Variants in RHOT1 observed in about 807,000 individuals in gnomAD.
The protein encoded by RHOT1 is mitochondrial Rho GTPase 1.
Under a neutral mutation model 95.3 loss-of-function variants are expected in RHOT1, and 27 were observed. That is an observed-to-expected ratio of 0.28 (90% CI 0.21 to 0.39). RHOT1 has a LOEUF of 0.39. Ranked by LOEUF, RHOT1 falls within the 10% of genes least tolerant of loss-of-function variation. The pLI, the probability that RHOT1 is intolerant of heterozygous loss-of-function variation, is 1.00. For synonymous variants in RHOT1, 227 were observed against 263.5 expected, an observed-to-expected ratio of 0.86 and a Z score of 1.34; for missense variants, 578 against 786.7, an observed-to-expected ratio of 0.73 and a Z score of 3.17.
chr17:32,160,847 G>C (rs1205376716), intron 1 of RHOT1, among the ~76,000 whole-genome samples: 2 of 152,222 alleles, frequency 1.3e-5, no homozygotes, highest in African/African-American at 4.8e-5. Flanking sequence ...ATCCAGGCTG[G>C]TCGTGTGAGT....
At chr17:32,204,514 T>C (rs1054916147) in intron 16 of RHOT1, among the ~76,000 whole-genome samples, 1 of 136,160 alleles carries the variant, frequency 7.3e-6, no homozygotes, top group African/African-American at 2.9e-5. Flanking sequence ...AATGCCTGCC[T>C]GGGCAACAAG....
rs750383568 is a variant in RHOT1, at chr17:32,194,127, T to C, written c.869+20T>C. 9 of 1,603,656 alleles carry C rather than the reference T, an allele frequency of 5.6e-6. No individual in the cohort carries two copies. Among genetic ancestry groups the C allele is most frequent in the Non-Finnish European group, 7.7e-6 (9 of 1,174,570 alleles). ...CCCCCTGTATGTACCTTTGTTTTTT[T>C]TGTTGTTGTTGTTGTTTAATTTTTT... On this transcript the variant is annotated intron_variant, in intron 11 of 19. Coordinates refer to ENST00000545287, the MANE Select transcript of RHOT1 (RefSeq NM_001033566.3).
At chr17:32,175,263 A>G (rs2034900769) in intron 3 of RHOT1, 56 bp from the exon 4 acceptor site, 1 of 1,467,074 alleles carries the variant, frequency 6.8e-7, no homozygotes, top group Non-Finnish European at 9.6e-7. Flanking sequence ...TAGCTTGGCC[A>G]TTAGTTTTTA....
chr17:32,188,425 A>G (rs1463356365), intron 8 of RHOT1, among the ~76,000 whole-genome samples: 1 of 152,252 alleles, frequency 6.6e-6, no homozygotes, highest in African/African-American at 2.4e-5. Context: ...AAAATAATCA[A>G]ATATAATTTT....
intron 1 of RHOT1, among the ~76,000 whole-genome samples, chr17:32,143,857 A>G (rs1390902628): frequency 6.6e-6 from 1 of 152,212 alleles, no homozygotes; most frequent in African/African-American, 2.4e-5. Flanking sequence ...GGTCACCGTG[A>G]TGGAATCCCA....
chr17:32,151,394 A>G (rs536627924), intron 1 of RHOT1: 2 of 633,730 alleles, frequency 3.2e-6, no homozygotes, highest in African/African-American at 3.7e-5. Flanking sequence ...TTTGGATGAC[A>G]GAGTGAAACT....
intron 5 of RHOT1, 56 bp downstream of exon 5, chr17:32,176,071 G>T: frequency 6.3e-7 from 1 of 1,577,696 alleles, no homozygotes; most frequent in South Asian, 1.1e-5. Context: ...TTCCAAAGTT[G>T]ATTCTCAGTT....
chr17:32,147,037 C>T (rs937773744), intron 1 of RHOT1, among the ~76,000 whole-genome samples: 1 of 149,930 alleles, frequency 6.7e-6, no homozygotes, highest in African/African-American at 2.5e-5. Context: ...ACCACCATGC[C>T]TGGCCTGCTC....
intron 1 of RHOT1, among the ~76,000 whole-genome samples, chr17:32,169,734 G>GGT (rs1196379311): frequency 6.6e-6 from 1 of 152,142 alleles, no homozygotes; most frequent in East Asian, 1.9e-4. Flanking sequence ...GGCCAGGTGT[G>GGT]GTGGCTCACA....
At chr17:32,164,763 A>G (rs1203698679) in intron 1 of RHOT1, among the ~76,000 whole-genome samples, 1 of 151,920 alleles carries the variant, frequency 6.6e-6, no homozygotes, top group African/African-American at 2.4e-5. Flanking sequence ...GCTACCCAGG[A>G]GGCTGAGGTG....
At position 32,207,097 on chromosome 17, in the gene RHOT1, G is replaced by A; in HGVS notation, c.1536+68G>A. 3 of 1,460,936 alleles carry A rather than the reference G, an allele frequency of 2.1e-6. No homozygotes were observed. The South Asian group carries it at 4.0e-5, about 20-fold the overall frequency. 90.5% of individuals were successfully genotyped at this position (1,460,936 alleles called of 1,614,324 possible). ...GGACTTTTTATGGAATTGCAGTGTG[G>A]TGTTTCCTAACCACAAAAATGCAAC... On this transcript the variant is annotated intron_variant, in intron 17 of 19. Transcript: ENST00000545287.
chr17:32,182,854 A>G lies in RHOT1; in HGVS notation c.427A>G (p.Thr143Ala). The change falls in exon 7 of 20, where the codon ACC becomes GCC. Residue 143 changes from threonine (T) to alanine (A), a missense_variant. By Grantham distance (58) the Thr-to-Ala change is moderately conservative. This residue lies in a region of RHOT1 where 227 missense variants were observed against 316.0 expected (regional missense o/e 0.72). Coordinates refer to ENST00000545287, the MANE Select transcript of RHOT1 (RefSeq NM_001033566.3). ...TATGAACCAGTATACAGAAATAGAAACCTGTGTGGAGGTATGCCTTGTAAT... is the reference window on the plus strand; with the variant it reads ...TATGAACCAGTATACAGAAATAGAAGCCTGTGTGGAGGTATGCCTTGTAAT... ...PIMNQYTEIE[T>A]CVECSAKNLK... 6.5e-7 allele frequency: 1 copy of G among 1,547,622 alleles called. No homozygotes were observed. The highest frequency in any genetic ancestry group is 1.2e-5 in the South Asian group (1 of 86,494).
At chr17:32,217,208 C>T (rs1038417540) in intron 19 of RHOT1, among the ~76,000 whole-genome samples, 2 of 152,150 alleles carry the variant, frequency 1.3e-5, no homozygotes, top group Non-Finnish European at 2.9e-5. Context: ...GACATTAGTG[C>T]ACACCTGTGT....
intron 1 of RHOT1, among the ~76,000 whole-genome samples, chr17:32,155,164 C>CT (rs1171371285): frequency 6.6e-6 from 1 of 151,116 alleles, no homozygotes; most frequent in Non-Finnish European, 1.5e-5. Context: ...AATGCATTCT[C>CT]TTTTTTTTTG....
At chr17:32,165,172 C>G (rs2033944122) in intron 1 of RHOT1, among the ~76,000 whole-genome samples, 2 of 151,820 alleles carry the variant, frequency 1.3e-5, no homozygotes, top group Admixed American at 1.3e-4. Flanking sequence ...CCCATCTCTA[C>G]TAAAAATACA....
At chr17:32,149,635 A>ATATATATT in intron 1 of RHOT1, among the ~76,000 whole-genome samples, 1 of 59,076 alleles carries the variant, frequency 1.7e-5, no homozygotes, top group African/African-American at 5.4e-5. Context: ...ATATATATAT[A>ATATATATT]TGTGTGTGTG....
intron 1 of RHOT1, chr17:32,143,139 A>C: frequency 3.8e-6 from 2 of 522,268 alleles, no homozygotes; most frequent in Non-Finnish European, 7.7e-6. Flanking sequence ...AGATTCCCTT[A>C]TCACTGCCAG....
rs199889192 is a variant in RHOT1, at chr17:32,176,236, T to G, written c.329+23T>G. The G allele has an allele frequency of 5.1e-5, 81 of 1,576,460 alleles. No individual in the cohort carries two copies. In the African/African-American group the frequency reaches 9.6e-4, roughly 19 times the overall value. On this transcript the variant is annotated intron_variant, in intron 6 of 19. Coordinates refer to ENST00000545287, the MANE Select transcript of RHOT1 (RefSeq NM_001033566.3). ...CAGGTATTTTTTCCTCTCTCAAACT[T>G]TTTATAATTAAAAAGTTTAAAGCTT...
rs551965864 is a variant in RHOT1, at chr17:32,198,298, A to G, written c.870-649A>G. On this transcript the variant is annotated intron_variant, in intron 11 of 19. Transcript: ENST00000545287. ...TCTGCATCATTTTCAACTCATTACA[A>G]TATTGGAATTAATATGAAGCTCATA... is the stretch of plus-strand genomic sequence containing the variant. Among the ~76,000 whole-genome samples, 4 of 152,354 alleles carry G rather than the reference A, an allele frequency of 2.6e-5. No homozygotes were observed. The South Asian group carries it at 8.3e-4, about 32-fold the overall frequency.
Sources: gnomAD v4.1 joint callset for allele counts (sites outside exome capture counted in the v4.1 genomes callset) on GRCh38, gnomAD v4.1.1 for gene constraint, gnomAD v4.1.1 regional missense constraint, MANE v1.5 for transcripts, NCBI Gene and HGNC (gene_info 2026-07-23, HGNC 2026-07-21) for gene names.